CAMTA1: variants seen among roughly 807,000 people sequenced by gnomAD.
CAMTA1 encodes the protein calmodulin binding transcription activator 1.
In CAMTA1, 27 loss-of-function variants were observed where a neutral mutation model predicts 170.9. The observed-to-expected ratio is 0.16, with a 90% CI of 0.12 to 0.22. The LOEUF is 0.22. Among genes scored for constraint, CAMTA1 ranks in the 10% least tolerant of loss-of-function variants. The pLI is 1.00. For synonymous variants in CAMTA1, 833 were observed against 891.5 expected, an observed-to-expected ratio of 0.93 and a Z score of 1.17; for missense variants, 1,619 against 2,217.2, an observed-to-expected ratio of 0.73 and a Z score of 5.42.
chr1:7,277,727 G>A (rs1293189321), intron 5 of CAMTA1, among the ~76,000 whole-genome samples: 1 of 151,670 alleles, frequency 6.6e-6, no homozygotes, highest in African/African-American at 2.4e-5. Context: ...AATGGCCTAT[G>A]ATGTCCATCT....
chr1:7,511,316 CTT>C (rs2094198934), intron 6 of CAMTA1, among the ~76,000 whole-genome samples: 1 of 145,496 alleles, frequency 6.9e-6, no homozygotes, highest in South Asian at 2.3e-4. Flanking sequence ...TGAGTGTCCA[CTT>C]TCTTTCCTGT....
At chr1:6,920,314 T>A (rs569219358) in intron 3 of CAMTA1, among the ~76,000 whole-genome samples, 247 of 152,350 alleles carry the variant, frequency 1.6e-3, no homozygotes, top group Middle Eastern at 0.014. Context: ...TTTGACTGCA[T>A]GTCTTGTGTC....
chr1:7,375,919 G>T (rs1427002944), intron 5 of CAMTA1, among the ~76,000 whole-genome samples: 1 of 152,234 alleles, frequency 6.6e-6, no homozygotes, highest in Non-Finnish European at 1.5e-5. Flanking sequence ...ACAGGAAGCA[G>T]CGGACTGGGG....
chr1:7,240,182 A>G (rs927928145), intron 4 of CAMTA1, among the ~76,000 whole-genome samples: 1 of 152,180 alleles, frequency 6.6e-6, no homozygotes, highest in East Asian at 1.9e-4. Context: ...CAAAACAATG[A>G]TATTTTAATT....
chr1:7,032,580 T>C (rs948151792), intron 3 of CAMTA1, among the ~76,000 whole-genome samples: 7 of 152,204 alleles, frequency 4.6e-5, no homozygotes, highest in African/African-American at 1.7e-4. Context: ...TAGTTGTTTA[T>C]CTTTTTAATA....
chr1:7,277,504 ACTCATT>A (rs555549511), intron 5 of CAMTA1, among the ~76,000 whole-genome samples: 17 of 141,640 alleles, frequency 1.2e-4, no homozygotes, highest in East Asian at 6.1e-4. Flanking sequence ...AGAGAGAGAG[ACTCATT>A]CTCATTCTCA....
At chr1:7,364,935 G>A (rs908397006) in intron 5 of CAMTA1, among the ~76,000 whole-genome samples, 1 of 152,262 alleles carries the variant, frequency 6.6e-6, no homozygotes, top group African/African-American at 2.4e-5. Context: ...GATCAGTCCA[G>A]TCAGGGGAAT....
chr1:7,364,634 A>G (rs1416525091), intron 5 of CAMTA1, among the ~76,000 whole-genome samples: 1 of 152,098 alleles, frequency 6.6e-6, no homozygotes, highest in East Asian at 1.9e-4. Context: ...AGCTGCAGAT[A>G]TGGGATGGTG....
intron 3 of CAMTA1, among the ~76,000 whole-genome samples, chr1:6,974,797 G>A (rs906616103): frequency 9.2e-5 from 14 of 152,336 alleles, no homozygotes; most frequent in Non-Finnish European, 2.9e-5. Flanking sequence ...CCCAGGTGGG[G>A]CCACATCCCC....
chr1:6,904,989 G>A (rs1173858084), intron 3 of CAMTA1, among the ~76,000 whole-genome samples: 1 of 151,924 alleles, frequency 6.6e-6, no homozygotes, highest in Non-Finnish European at 1.5e-5. Flanking sequence ...GTGGTTTGCT[G>A]TGTGTCCTGA....
intron 11 of CAMTA1, among the ~76,000 whole-genome samples, chr1:7,726,600 C>T (rs1005447039): frequency 2.0e-5 from 3 of 152,230 alleles, no homozygotes; most frequent in South Asian, 4.1e-4. Context: ...CTGGGTTATG[C>T]GTCTGTCATC....
At chr1:6,994,000 G>GTAA (rs1696794242) in intron 3 of CAMTA1, among the ~76,000 whole-genome samples, 2 of 151,994 alleles carry the variant, frequency 1.3e-5, no homozygotes, top group Admixed American at 1.3e-4. Flanking sequence ...TTTTTTGGTG[G>GTAA]TTGCACTAGG....
At chr1:7,038,006 G>A (rs1703891795) in intron 3 of CAMTA1, among the ~76,000 whole-genome samples, 1 of 151,494 alleles carries the variant, frequency 6.6e-6, no homozygotes, top group Non-Finnish European at 1.5e-5. Flanking sequence ...TAAGACCTTG[G>A]GCAAGTTACT....
intron 6 of CAMTA1, among the ~76,000 whole-genome samples, chr1:7,619,457 T>A (rs1313939436): frequency 6.6e-6 from 1 of 152,054 alleles, no homozygotes; most frequent in Non-Finnish European, 1.5e-5. Flanking sequence ...GAGTGGGATG[T>A]TCTGCAGCTC....
chr1:7,737,581 A>T lies in CAMTA1; in HGVS notation c.3658+11A>T. Reference sequence around the variant, plus strand: ...CAAGCACCAACCCAGGTAAGAATTCAGAATCATGACATCTCAGAGCTTGAC... The same window carrying T: ...CAAGCACCAACCCAGGTAAGAATTCTGAATCATGACATCTCAGAGCTTGAC... On this transcript the variant is annotated intron_variant, in intron 15 of 22. Coordinates refer to ENST00000303635, the MANE Select transcript of CAMTA1 (RefSeq NM_015215.4). 1 of 1,594,194 alleles carries T rather than the reference A, an allele frequency of 6.3e-7. No individual in the cohort carries two copies. The highest frequency in any genetic ancestry group is 8.6e-7 in the Non-Finnish European group (1 of 1,168,498).
chr1:7,584,083 A>G (rs2150416545), intron 6 of CAMTA1, among the ~76,000 whole-genome samples: 1 of 152,252 alleles, frequency 6.6e-6, no homozygotes, highest in Non-Finnish European at 1.5e-5. Context: ...GAGGAATCAT[A>G]TAACACTTTC....
At chr1:7,121,756 C>A (rs1644655929) in intron 4 of CAMTA1, among the ~76,000 whole-genome samples, 1 of 152,140 alleles carries the variant, frequency 6.6e-6, no homozygotes, top group Non-Finnish European at 1.5e-5. Context: ...CCAGAGCATT[C>A]CCTAGACTTG....
chr1:7,752,623 TA>T (rs1558304541), intron 21 of CAMTA1, 90 bp downstream of exon 21: 1 of 984,242 alleles, frequency 1.0e-6, no homozygotes, highest in Non-Finnish European at 1.5e-6. Flanking sequence ...TATGTAAAGC[TA>T]ATCCCCCTGC....
intron 6 of CAMTA1, among the ~76,000 whole-genome samples, chr1:7,477,825 G>C (rs2149601692): frequency 6.6e-6 from 1 of 152,312 alleles, no homozygotes; most frequent in Non-Finnish European, 1.5e-5. Flanking sequence ...GCCCTCTGGG[G>C]AGGGGCACCC....
Sources: allele counts gnomAD v4.1 joint callset (sites outside exome capture counted in the v4.1 genomes callset), GRCh38; gene constraint gnomAD v4.1.1; transcripts MANE v1.5; gene names NCBI Gene and HGNC (gene_info 2026-07-23, HGNC 2026-07-21).